Variants in KIAA1217 observed in about 807,000 individuals in gnomAD.
The protein encoded by KIAA1217 is KIAA1217, also known as sickle tail protein homolog.
Under a neutral mutation model 163.9 loss-of-function variants are expected in KIAA1217, and 88 were observed. The ratio of observed to expected loss-of-function variants is 0.54; its 90% CI spans 0.45 to 0.64. The LOEUF (loss-of-function observed/expected upper bound fraction) is 0.64, where lower values mean the gene tolerates loss of function less well. KIAA1217 is among the 30% of genes least tolerant of loss of function. KIAA1217 has a pLI of 0.00. For missense variants in KIAA1217, 2,372 were observed against 2,475.0 expected, an observed-to-expected ratio of 0.96 and a Z score of 0.88; for synonymous variants, 903 against 923.1, an observed-to-expected ratio of 0.98 and a Z score of 0.39.
intron 5 of KIAA1217, among the ~76,000 whole-genome samples, chr10:24,448,937 C>T (rs539248225): frequency 2.6e-5 from 4 of 152,204 alleles, no homozygotes; most frequent in Non-Finnish European, 5.9e-5. Flanking sequence ...ATGATACAGA[C>T]ATCTATAATT....
At chr10:24,520,288 G>A in intron 11 of KIAA1217, 35 bp downstream of exon 11, 1 of 1,611,952 alleles carries the variant, frequency 6.2e-7, no homozygotes, top group Non-Finnish European at 8.5e-7. Context: ...AGGAGTCTGA[G>A]CTGTCTTTCC....
At chr10:23,990,444 A>G (rs980545275) in intron 1 of KIAA1217, among the ~76,000 whole-genome samples, 3 of 152,218 alleles carry the variant, frequency 2.0e-5, no homozygotes, top group Admixed American at 6.5e-5. Flanking sequence ...ATTGATGTTA[A>G]TAATCTTTTT....
intron 3 of KIAA1217, among the ~76,000 whole-genome samples, chr10:24,388,499 G>A (rs1260558487): frequency 6.6e-6 from 1 of 152,106 alleles, no homozygotes; most frequent in Non-Finnish European, 1.5e-5. Context: ...AGAGGCATGG[G>A]CAAAGACTTC....
chr10:23,964,638 C>T (rs193236281), intron 1 of KIAA1217, among the ~76,000 whole-genome samples: 437 of 152,184 alleles, frequency 2.9e-3, no homozygotes, highest in Non-Finnish European at 3.6e-3. Context: ...TCACTGCAAC[C>T]GCCACCTCCC....
At chr10:24,411,266 T>C (rs1177921643) in intron 3 of KIAA1217, among the ~76,000 whole-genome samples, 1 of 152,040 alleles carries the variant, frequency 6.6e-6, no homozygotes, top group Non-Finnish European at 1.5e-5. Context: ...TAATATTCAT[T>C]GACACAAAAG....
At chr10:24,215,837 G>A (rs2068748363) in intron 1 of KIAA1217, among the ~76,000 whole-genome samples, 2 of 152,188 alleles carry the variant, frequency 1.3e-5, no homozygotes, top group South Asian at 4.1e-4. Context: ...GGTAGGAGGG[G>A]AGGCAGACAG....
Position 24,106,235 on chromosome 10 carries a change from G to T in KIAA1217, c.-171+98861G>T, listed in dbSNP as rs920731813. 3.3e-5 allele frequency among the ~76,000 whole-genome samples: 5 copies of T among 152,200 alleles called. No individual in the cohort carries two copies. The East Asian group carries it at 9.7e-4, about 29-fold the overall frequency. On this transcript the variant is annotated intron_variant, in intron 2 of 18. Transcript: ENST00000376462. ...GCTGGGACGATGGCACCTAGAAAAG[G>T]ATTGCATTTCTCAACCTCCCTTGCA...
At chr10:23,956,070 T>G (rs1345384522) in intron 1 of KIAA1217, among the ~76,000 whole-genome samples, 1 of 152,212 alleles carries the variant, frequency 6.6e-6, no homozygotes, top group Non-Finnish European at 1.5e-5. Context: ...TTTCCAAACC[T>G]CTAGGCAAAA....
At chr10:23,714,396 G>A (rs1196258432) in intron 1 of KIAA1217, among the ~76,000 whole-genome samples, 1 of 152,092 alleles carries the variant, frequency 6.6e-6, no homozygotes, top group Non-Finnish European at 1.5e-5. Flanking sequence ...GAGAAGCCAA[G>A]CAAGGATGAG....
chr10:23,756,386 C>A (rs1306000031), intron 1 of KIAA1217, among the ~76,000 whole-genome samples: 1 of 152,082 alleles, frequency 6.6e-6, no homozygotes, highest in African/African-American at 2.4e-5. Context: ...GAGTTTCATG[C>A]CCACATGAAA....
intron 2 of KIAA1217, among the ~76,000 whole-genome samples, chr10:24,192,681 G>T (rs541936824): frequency 1.3e-5 from 2 of 152,210 alleles, no homozygotes; most frequent in African/African-American, 4.8e-5. Flanking sequence ...GAAATGCACA[G>T]GACCCAATTC....
chr10:24,077,913 C>G (rs994994208), intron 2 of KIAA1217, among the ~76,000 whole-genome samples: 1 of 151,986 alleles, frequency 6.6e-6, no homozygotes, highest in South Asian at 2.1e-4. Context: ...TCGCACTGTG[C>G]TTTTGATTTG....
chr10:24,053,078 G>T (rs890839069), intron 2 of KIAA1217, among the ~76,000 whole-genome samples: 1 of 152,142 alleles, frequency 6.6e-6, no homozygotes, highest in African/African-American at 2.4e-5. Context: ...CACAAAGTCT[G>T]CCTGCATGGT....
At chr10:24,157,313 A>G (rs572163110) in intron 2 of KIAA1217, among the ~76,000 whole-genome samples, 1 of 152,322 alleles carries the variant, frequency 6.6e-6, no homozygotes, top group South Asian at 2.1e-4. Flanking sequence ...ATCCATAGAA[A>G]TCCCTTGCAT....
chr10:23,735,709 G>A (rs1322849978), intron 1 of KIAA1217, among the ~76,000 whole-genome samples: 3 of 151,832 alleles, frequency 2.0e-5, no homozygotes, highest in Non-Finnish European at 4.4e-5. Flanking sequence ...GGTTATATGT[G>A]TTACAGATAC....
At chr10:24,093,525 A>G (rs1417863865) in intron 2 of KIAA1217, among the ~76,000 whole-genome samples, 1 of 151,632 alleles carries the variant, frequency 6.6e-6, no homozygotes, top group Non-Finnish European at 1.5e-5. Context: ...GCTGGTCTCA[A>G]ACTCCTAGAC....
At chr10:24,232,935 CAAA>C (rs908492411) in intron 2 of KIAA1217, among the ~76,000 whole-genome samples, 4 of 56,308 alleles carry the variant, frequency 7.1e-5, no homozygotes, top group Admixed American at 5.9e-4. Flanking sequence ...CTTATCTCTA[CAAA>C]AAAAAAAAAA....
At chr10:23,928,569 G>C (rs1308620272) in intron 1 of KIAA1217, among the ~76,000 whole-genome samples, 1 of 152,044 alleles carries the variant, frequency 6.6e-6, no homozygotes, top group East Asian at 1.9e-4. Context: ...TACTGAACAG[G>C]GCATGACAGG....
chr10:24,427,992 C>T (rs978976815), intron 3 of KIAA1217, among the ~76,000 whole-genome samples: 6 of 152,218 alleles, frequency 3.9e-5, no homozygotes, highest in Admixed American at 2.0e-4. Context: ...TGACTGGACT[C>T]ATGCACCCAG....
Sources: gnomAD v4.1 joint callset for allele counts (sites outside exome capture counted in the v4.1 genomes callset) on GRCh38, gnomAD v4.1.1 for gene constraint, MANE v1.5 for transcripts, NCBI Gene and HGNC (gene_info 2026-07-23, HGNC 2026-07-21) for gene names.